AP4B1: variants seen among roughly 807,000 people sequenced by gnomAD.
The protein encoded by AP4B1 is adaptor related protein complex 4 subunit beta 1.
Under a neutral mutation model 76.5 loss-of-function variants are expected in AP4B1, and 49 were observed. The observed-to-expected ratio is 0.64, with a 90% confidence interval of 0.51 to 0.81. The LOEUF is 0.81. Ranked by LOEUF, AP4B1 falls within the 40% of genes least tolerant of loss-of-function variation. The pLI is 0.00. For synonymous variants in AP4B1, 330 were observed against 333.3 expected (o/e 0.99, Z 0.11); for missense variants, 911 against 904.9 (o/e 1.01, Z -0.09).
At chr1:113,901,956 C>G in intron 2 of AP4B1, 71 bp from the exon 3 acceptor site, 1 of 1,590,006 alleles carries the variant, frequency 6.3e-7, no homozygotes, top group Non-Finnish European at 8.6e-7. Flanking sequence ...CCCTGTTCAC[C>G]TAACAGATGG....
In AP4B1 at chr1:113,897,855, GTTCTC is replaced by G; in HGVS notation, c.1282_1286del (p.Glu428HisfsTer4). 6.2e-7 allele frequency: 1 copy of G among 1,614,128 alleles called. No homozygotes were observed. Among genetic ancestry groups the G allele is most frequent in the South Asian group, 1.1e-5 (1 of 91,078 alleles). On this transcript the variant is annotated frameshift_variant, in exon 7 of 10. Coordinates refer to ENST00000369569, the MANE Select transcript of AP4B1 (RefSeq NM_001253852.3). LOFTEE classifies it high-confidence loss of function. ...TACAGTCTACCTCACTATCTTGAAT[GTTCTC>G]TTCACAGCCGGGCAGGGCCTGACAT...
At chr1:113,905,002 G>C (rs552091954), upstream of AP4B1, 1 of 442,758 alleles carries the variant, frequency 2.3e-6, no homozygotes, top group African/African-American at 2.0e-5. Flanking sequence ...TAGGTCCTCC[G>C]CCGGATTTCC....
At chr1:113,899,403 T>C (rs1161536264) in intron 5 of AP4B1, 3 of 955,436 alleles carry the variant, frequency 3.1e-6, no homozygotes, top group Non-Finnish European at 3.8e-6. Context: ...GCACAATACA[T>C]AGCCCATAGC....
chr1:113,895,871 A>G lies in AP4B1; in HGVS notation c.1678T>C (p.Phe560Leu). The G allele has an allele frequency of 6.2e-7, 1 of 1,614,242 alleles. No individual in the cohort carries two copies. The change falls in exon 9 of 10, where the codon TTC becomes CTC. Residue 560 changes from phenylalanine to leucine, a missense_variant. Transcript: ENST00000369569. The stretch of plus-strand genomic sequence containing the variant: ...CCATACACTGGCACCAGTGTGTTGA[A>G]GTCTGAGGCCCAGCTATTCACAGGT... ...ERPVNSWASD[F>L]NTLVPVYGKA...
intron 5 of AP4B1, 79 bp from the exon 6 acceptor site, chr1:113,898,880 A>T: frequency 8.6e-7 from 1 of 1,169,588 alleles, no homozygotes; most frequent in East Asian, 2.3e-5. Flanking sequence ...CCACCAGTGA[A>T]AGACAAAAGA....
intron 1 of AP4B1, 112 bp from the exon 2 acceptor site, chr1:113,902,974 G>A (rs1268359320): frequency 3.2e-6 from 3 of 928,928 alleles, no homozygotes; most frequent in Non-Finnish European, 5.2e-6. Flanking sequence ...ATCTCTTAGA[G>A]GGTAGCAGCC....
chr1:113,904,774 T>C lies in AP4B1; in HGVS notation c.-57A>G. The C allele has an allele frequency of 7.0e-7, 1 of 1,420,474 alleles. No individual in the cohort carries two copies. The highest frequency in any genetic ancestry group is 1.1e-5 in the South Asian group (1 of 87,060). The allele number at this position is 1,420,474 out of a possible 1,614,324, so 88.0% of individuals were successfully genotyped here. Reference sequence around the variant, plus strand: ...CTCCCACGGTAACTCGAGGGCTCCTTCTCGTCCTGATGTGGGAGCCTGAGT... The same window carrying C: ...CTCCCACGGTAACTCGAGGGCTCCTCCTCGTCCTGATGTGGGAGCCTGAGT... On this transcript the variant is annotated 5_prime_UTR_variant, in exon 1 of 10. Coordinates refer to ENST00000369569, the MANE Select transcript of AP4B1 (RefSeq NM_001253852.3).
intron 1 of AP4B1, 73 bp from the exon 2 acceptor site, chr1:113,902,935 A>C: frequency 7.5e-7 from 1 of 1,330,568 alleles, no homozygotes; most frequent in Non-Finnish European, 1.1e-6. Context: ...TTTTACTTAC[A>C]TATCTCCTGA....
rs763730264 is a variant in AP4B1 at position 113,899,974 on chromosome 1, C to T, written c.1044G>A (p.Val348=). ...TGCAGTACCCTCGAAGCTCCTCTAG[C>T]ACCTGCTGCACATTCTCATCGTTCA... is the stretch of plus-strand genomic sequence containing the variant. The part of the protein sequence containing the change: ...ELVNDENVQQ[V]LEELRGYCTD... The change falls in exon 5 of 10, where the codon GTG becomes GTA. Residue 348 remains valine, a synonymous_variant. Coordinates refer to ENST00000369569, the MANE Select transcript of AP4B1 (RefSeq NM_001253852.3). The T allele has an allele frequency of 1.1e-5, 17 of 1,614,024 alleles. No individual in the cohort carries two copies. Among genetic ancestry groups the T allele is most frequent in the Middle Eastern group, 1.6e-4 (1 of 6,084 alleles).
chr1:113,895,457 G>T lies in AP4B1; in HGVS notation c.1828C>A (p.Gln610Lys). The part of the protein sequence containing the change: ...LIPEENKERV[Q>K]ELPDSGALML... ...AGGGCTCCAGAATCAGGGAGTTCTT[G>T]TACCCTCTCCTTGTTCTCTTCAGGA... Residue 610 changes from glutamine to lysine, a missense_variant, in exon 10 of 10, where the codon CAA (glutamine) becomes AAA (lysine). Physicochemically the swap from Gln to Lys is moderately conservative, Grantham distance 53 (BLOSUM62 1). Transcript: ENST00000369569. 1 of 1,614,196 alleles carries T rather than the reference G, an allele frequency of 6.2e-7. No homozygotes were observed. Among genetic ancestry groups the T allele is most frequent in the Non-Finnish European group, 8.5e-7 (1 of 1,180,038 alleles).
chr1:113,900,039 A>G lies in AP4B1; in HGVS notation c.979T>C (p.Tyr327His). Residue 327 changes from tyrosine (Y) to histidine (H), a missense_variant, in exon 5 of 10, where the codon TAC becomes CAC. Physicochemically the swap from Tyr to His is moderately conservative, Grantham distance 83. Coordinates refer to ENST00000369569, the MANE Select transcript of AP4B1 (RefSeq NM_001253852.3). Reference sequence around the variant, plus strand: ...ACCTCCACTTTCTGTAGTTTGATGTAGTGGGGCTCCGAGTAGGAGCAAAAA... The same window carrying G: ...ACCTCCACTTTCTGTAGTTTGATGTGGTGGGGCTCCGAGTAGGAGCAAAAA... Reference protein sequence around the residue: ...KFFCSYSEPHYIKLQKVEVLC... With the variant: ...KFFCSYSEPHHIKLQKVEVLC... The G allele has an allele frequency of 1.2e-6, 2 of 1,614,218 alleles. No individual in the cohort carries two copies. Among genetic ancestry groups the G allele is most frequent in the Non-Finnish European group, 1.7e-6 (2 of 1,180,040 alleles).
rs142618078 is a variant in AP4B1, at chr1:113,904,171, G to C, written c.113+434C>G. ...GAAGTGAGAGATCAGGTGTCCTCAA[G>C]GTTGGCTCCCACGCATAGTCGGCTG... On this transcript the variant is annotated intron_variant, in intron 1 of 9. Transcript: ENST00000369569. 5.3e-3 allele frequency among the ~76,000 whole-genome samples: 812 copies of C among 152,282 alleles called. 4 individuals are homozygous for C. The highest frequency in any genetic ancestry group is 0.019 in the African/African-American group (776 of 41,554).
At chr1:113,904,492 A>G (rs1668716274) in intron 1 of AP4B1, 113 bp downstream of exon 1, 6 of 995,930 alleles carry the variant, frequency 6.0e-6, no homozygotes, top group South Asian at 5.1e-5. Context: ...AGACCGAACC[A>G]TATAACTGCC....
At position 113,895,791 on chromosome 1, in the gene AP4B1, T is replaced by C. The variant is rs749761290; in HGVS notation, c.1758A>G (p.Pro586=). Residue 586 remains proline, a synonymous_variant, in exon 9 of 10, where the codon CCA becomes CCG. Transcript: ENST00000369569. ...SKCQGAERCD[P]ELPKTSSFAA... is the part of the protein sequence containing the mutation. ...CAAAGGATGAAGTTTTAGGAAGCTC[T>C]GGGTCACAACGCTCTGCCCCCTGGC... The C allele has an allele frequency of 6.2e-7, 1 of 1,614,238 alleles. No individual in the cohort carries two copies. The highest frequency in any genetic ancestry group is 1.1e-5 in the South Asian group (1 of 91,092).
rs2100995924 is a variant in AP4B1, at chr1:113,896,024, T to C, written c.1525A>G (p.Met509Val). Reference sequence around the variant, plus strand: ...AAGAGACCTCGGTCCCGTACAGCCATATCTTTTTCTTCCTCTGAGGTAAGA... The same window carrying C: ...AAGAGACCTCGGTCCCGTACAGCCACATCTTTTTCTTCCTCTGAGGTAAGA... ...LYYCIEEEKD[M>V]AVRDRGLFYY... The change falls in exon 9 of 10, where the codon ATG becomes GTG. Residue 509 changes from methionine to valine, a missense_variant. By Grantham distance (21) the Met-to-Val change is conservative. Coordinates refer to ENST00000369569, the MANE Select transcript of AP4B1 (RefSeq NM_001253852.3). 1 of 1,614,262 alleles carries C rather than the reference T, an allele frequency of 6.2e-7. No homozygotes were observed. The highest frequency in any genetic ancestry group is 8.5e-7 in the Non-Finnish European group (1 of 1,180,042).
At chr1:113,901,008 G>GCCTC in intron 4 of AP4B1, 3 of 541,176 alleles carry the variant, frequency 5.5e-6, no homozygotes, top group Non-Finnish European at 9.7e-6. Flanking sequence ...TCGGGAGGCT[G>GCCTC]AGGCAGGAGA....
In AP4B1 at chr1:113,902,809, G is replaced by C; in HGVS notation, c.167C>G (p.Ala56Gly). 1.9e-6 allele frequency: 3 copies of C among 1,614,150 alleles called. No individual in the cohort carries two copies. Among genetic ancestry groups the C allele is most frequent in the East Asian group, 2.2e-5 (1 of 44,886 alleles). Residue 56 changes from alanine (A) to glycine (G), a missense_variant, in exon 2 of 10, where the codon GCC (alanine) becomes GGC (glycine). Transcript: ENST00000369569. ...CTGGACAATATCTACAGTGGCACTG[G>C]CCTTCACCATTTCCATAAAAACACC... Reference protein sequence around the residue: ...MSGVFMEMVKASATVDIVQKK... With the variant: ...MSGVFMEMVKGSATVDIVQKK...
chr1:113,902,125 G>C (rs1048264287), intron 2 of AP4B1: 2 of 511,308 alleles, frequency 3.9e-6, no homozygotes, highest in Admixed American at 3.0e-5. Flanking sequence ...CTGCTGCCTT[G>C]AATTCCCGGG....
chr1:113,896,504 G>T (rs758263837), intron 7 of AP4B1, 39 bp from the exon 8 acceptor site: 1 of 1,600,192 alleles, frequency 6.2e-7, no homozygotes, highest in South Asian at 1.1e-5. Context: ...CTCAACACTT[G>T]ACTGTCTAAA....
Sources: gnomAD v4.1 joint callset for allele counts (sites outside exome capture counted in the v4.1 genomes callset) on GRCh38, gnomAD v4.1.1 for gene constraint, MANE v1.5 for transcripts, NCBI Gene and HGNC (gene_info 2026-07-23, HGNC 2026-07-21) for gene names.